The following ADAM29 variants were observed in gnomAD, a reference collection of about 807,000 sequenced individuals.
ADAM29 encodes the protein disintegrin and metalloproteinase domain-containing protein 29.
For missense variants in ADAM29, 969 were observed against 1,001.8 expected (o/e 0.97, Z 0.44); for synonymous variants, 367 against 342.3 (o/e 1.07, Z -0.80).
intron 4 of ADAM29, among the ~76,000 whole-genome samples, chr4:174,948,218 GA>G (rs1744961672): frequency 1.3e-5 from 2 of 152,316 alleles, no homozygotes; most frequent in Admixed American, 6.5e-5. Flanking sequence ...GCAATCATCT[GA>G]AGGTAAGAAG....
intron 4 of ADAM29, among the ~76,000 whole-genome samples, chr4:174,953,737 G>C (rs1434777352): frequency 6.6e-6 from 1 of 152,050 alleles, no homozygotes; most frequent in African/African-American, 2.4e-5. Context: ...CTGAGATGGG[G>C]TCTTGCTCTG....
rs569706138 is a variant in ADAM29 at position 174,932,916 on chromosome 4, A to C, written c.-262+1742A>C. Among the ~76,000 whole-genome samples the C allele has an allele frequency of 3.9e-5, 6 of 152,258 alleles. No individual in the cohort carries two copies. In the South Asian group the frequency reaches 1.2e-3, roughly 32 times the overall value. ...TGTGTTCATACCTGATCATCTAGGA[A>C]ACCTAAAAATCTCCCCAAATCTCCT... On this transcript the variant is annotated intron_variant, in intron 3 of 4. Transcript: ENST00000359240.
chr4:174,974,270 AG>A (rs1273506597), intron 4 of ADAM29, among the ~76,000 whole-genome samples: 7 of 152,142 alleles, frequency 4.6e-5, no homozygotes, highest in Non-Finnish European at 1.0e-4. Flanking sequence ...GCTTTTCTTT[AG>A]CTATTATTGT....
chr4:174,928,655 A>G (rs1743668666), intron 2 of ADAM29, among the ~76,000 whole-genome samples: 2 of 152,080 alleles, frequency 1.3e-5, no homozygotes, highest in South Asian at 4.1e-4. Context: ...GAGAGAGACT[A>G]AATTTAACTC....
Position 174,976,892 on chromosome 4 carries a change from G to C in ADAM29, c.1367G>C (p.Arg456Thr). 6.2e-7 allele frequency: 1 copy of C among 1,614,200 alleles called. No homozygotes were observed. Among genetic ancestry groups the C allele is most frequent in the African/African-American group, 1.3e-5 (1 of 75,052 alleles). ...TTCCTACCATCAGGGAAAGTGTGTA[G>C]AAAGGAGGTCAATGAATGTGATCTT... ...CKFLPSGKVC[R>T]KEVNECDLPE... Residue 456 changes from arginine to threonine, a missense_variant, in exon 5 of 5, where the codon AGA (arginine) becomes ACA (threonine). Coordinates refer to ENST00000359240, the MANE Select transcript of ADAM29 (RefSeq NM_014269.4).
intron 4 of ADAM29, among the ~76,000 whole-genome samples, chr4:174,953,489 A>G (rs563751498): frequency 6.6e-6 from 1 of 152,332 alleles, no homozygotes; most frequent in Admixed American, 6.5e-5. Context: ...ACAGATTTCA[A>G]AAGATTTTCT....
chr4:174,928,866 G>A (rs1293675287), intron 2 of ADAM29, among the ~76,000 whole-genome samples: 1 of 152,138 alleles, frequency 6.6e-6, no homozygotes, highest in East Asian at 1.9e-4. Flanking sequence ...TCAGGACCTG[G>A]AGAAAGACAT....
rs956471945 is a variant in ADAM29, at chr4:174,963,058, G to T, written c.-180-12288G>T. ...GTATGAAGTACATGGGACAATCTATGAGGTAGTCTCATTAAAATACTTGGC... is the reference window on the plus strand; with the variant it reads ...GTATGAAGTACATGGGACAATCTATTAGGTAGTCTCATTAAAATACTTGGC... On this transcript the variant is annotated intron_variant, in intron 4 of 4. Coordinates refer to ENST00000359240, the MANE Select transcript of ADAM29 (RefSeq NM_014269.4). 4.6e-5 allele frequency among the ~76,000 whole-genome samples: 7 copies of T among 152,138 alleles called. 1 individual carries two copies. The highest frequency in any genetic ancestry group is 1.7e-4 in the African/African-American group (7 of 41,426).
At chr4:174,974,200 G>A (rs1746623838) in intron 4 of ADAM29, among the ~76,000 whole-genome samples, 1 of 152,212 alleles carries the variant, frequency 6.6e-6, no homozygotes, top group Non-Finnish European at 1.5e-5. Context: ...AGGGGCTGGA[G>A]CAACTCCCCA....
intron 4 of ADAM29, among the ~76,000 whole-genome samples, chr4:174,948,464 C>T (rs770968562): frequency 6.6e-6 from 1 of 152,126 alleles, no homozygotes; most frequent in African/African-American, 2.4e-5. Flanking sequence ...GATGAGTGCT[C>T]TAACTCTGAT....
intron 4 of ADAM29, among the ~76,000 whole-genome samples, chr4:174,938,187 TAAG>T (rs1744309527): frequency 6.6e-6 from 1 of 151,894 alleles, no homozygotes; most frequent in Admixed American, 6.6e-5. Context: ...AGATAACAAA[TAAG>T]AAGGAAGATT....
Position 174,977,360 on chromosome 4 carries a change from A to ACAGG in ADAM29, c.1838_1841dup (p.His614GlnfsTer11). On this transcript the variant is annotated frameshift_variant, in exon 5 of 5. Transcript: ENST00000359240. LOFTEE classifies it low-confidence loss of function (END_TRUNC). ...TGTGGGATAGATCATATATGCATCC[A>ACAGG]CAGGCACTGTGTCCATATAACCATC... The ACAGG allele has an allele frequency of 6.2e-7, 1 of 1,613,712 alleles. No individual in the cohort carries two copies. Among genetic ancestry groups the ACAGG allele is most frequent in the Non-Finnish European group, 8.5e-7 (1 of 1,180,036 alleles).
At chr4:174,924,719 A>G (rs1242763828) in intron 2 of ADAM29, among the ~76,000 whole-genome samples, 1 of 152,228 alleles carries the variant, frequency 6.6e-6, no homozygotes, top group African/African-American at 2.4e-5. Context: ...AAAAGGCTAC[A>G]TGGTATATCA....
chr4:174,978,092 A>G lies in ADAM29; in HGVS notation c.*104A>G. The G allele has an allele frequency of 6.5e-7, 1 of 1,535,518 alleles. No homozygotes were observed. The highest frequency in any genetic ancestry group is 8.8e-7 in the Non-Finnish European group (1 of 1,132,414). ...CAGAGTCAACCTCATGTGACACCTT[A>G]CCGGAGTAAAAGTGGTAAACAAAAG... On this transcript the variant is annotated 3_prime_UTR_variant, in exon 5 of 5. Transcript: ENST00000359240.
At chr4:174,968,470 A>G (rs1006720207) in intron 4 of ADAM29, among the ~76,000 whole-genome samples, 2 of 152,180 alleles carry the variant, frequency 1.3e-5, no homozygotes, top group African/African-American at 4.8e-5. Context: ...GATCTTGTGT[A>G]CAGTGTCTCT....
rs555477715 is a variant in ADAM29 at position 174,976,018 on chromosome 4, G to A, written c.493G>A (p.Gly165Arg). ...GAAACAATTTTCAACCATGAGATCC[G>A]GATTTATGCAAAATGAAATAACATG... is the stretch of plus-strand genomic sequence containing the variant. ...EEKQFSTMRS[G>R]FMQNEITCRM... The change falls in exon 5 of 5, where the codon GGA becomes AGA. Residue 165 changes from glycine (G) to arginine (R), a missense_variant. Gly to Arg is a moderately radical substitution (Grantham distance 125). Transcript: ENST00000359240. 41 of 1,613,072 alleles carry A rather than the reference G, an allele frequency of 2.5e-5. No homozygotes were observed. The South Asian group carries it at 3.1e-4, about 12-fold the overall frequency.
At chr4:174,956,369 C>T (rs1307770662) in intron 4 of ADAM29, among the ~76,000 whole-genome samples, 2 of 151,652 alleles carry the variant, frequency 1.3e-5, no homozygotes, top group East Asian at 1.9e-4. Context: ...AGTAAATATT[C>T]ATTCAAAATT....
chr4:174,959,477 GTGTGTGTT>G (rs1233691290), intron 4 of ADAM29, among the ~76,000 whole-genome samples: 1,979 of 149,960 alleles, frequency 0.013, 39 homozygotes, highest in African/African-American at 0.047. Context: ...GTGTGTGTGT[GTGTGTGTT>G]TGTGTGTTTG....
intron 2 of ADAM29, among the ~76,000 whole-genome samples, chr4:174,923,559 A>G (rs1375824461): frequency 7.0e-6 from 1 of 142,978 alleles, no homozygotes; most frequent in African/African-American, 2.6e-5. Context: ...ATATATATAT[A>G]TACACACACA....
Sources: gnomAD v4.1 joint callset for allele counts (sites outside exome capture counted in the v4.1 genomes callset) on GRCh38, gnomAD v4.1.1 for gene constraint, MANE v1.5 for transcripts, NCBI Gene and HGNC (gene_info 2026-07-23, HGNC 2026-07-21) for gene names.